KIAA0319L: variants seen among roughly 807,000 people sequenced by gnomAD.
The protein encoded by KIAA0319L is KIAA0319 like.
Under a neutral mutation model 120.1 loss-of-function variants are expected in KIAA0319L, and 55 were observed. The observed-to-expected ratio is 0.46, with a 90% CI of 0.37 to 0.57. The LOEUF (loss-of-function observed/expected upper bound fraction) is 0.57, where lower values mean the gene tolerates loss of function less well. KIAA0319L is among the 20% of genes least tolerant of loss of function. The probability of loss-of-function intolerance (pLI) is 0.00; values close to 1 mark genes in which losing one functional copy is unlikely to be tolerated. For synonymous variants in KIAA0319L, 398 were observed against 471.9 expected (o/e 0.84, Z 2.03); for missense variants, 1,049 against 1,255.3 (o/e 0.84, Z 2.48).
chr1:35,538,988 A>G (rs1311161747), intron 2 of KIAA0319L, among the ~76,000 whole-genome samples: 1 of 152,040 alleles, frequency 6.6e-6, no homozygotes, highest in African/African-American at 2.4e-5. Context: ...TATAATGGCA[A>G]CATTTCTCTG....
intron 5 of KIAA0319L, among the ~76,000 whole-genome samples, chr1:35,472,049 T>A (rs1270970348): frequency 6.6e-6 from 1 of 152,194 alleles, no homozygotes; most frequent in African/African-American, 2.4e-5. Flanking sequence ...CTCAGAGACA[T>A]TTCTTCCAAC....
rs1558421741 is a variant in KIAA0319L at position 35,479,966 on chromosome 1, A to AAAAAAAC, written c.667-761_667-755dup. Among the ~76,000 whole-genome samples the AAAAAAAC allele has an allele frequency of 1.1e-3, 143 of 130,734 alleles. 3 individuals are homozygous for AAAAAAAC. The highest frequency in any genetic ancestry group is 3.9e-3 in the African/African-American group (120 of 30,386). 85.8% of individuals were successfully genotyped at this position (130,734 alleles called of 152,430 possible). A position where few individuals can be genotyped will look rare whatever the true frequency, so the allele number is the denominator to read the frequency against. ...ATGAGCCAAAAAAAAAAAAAAAAAA[A>AAAAAAAC]AAAAAACACAAGCTAAAGTTACTTA... On this transcript the variant is annotated intron_variant, in intron 3 of 20. Transcript: ENST00000325722.
At chr1:35,500,098 CAG>C (rs1644950780) in intron 3 of KIAA0319L, among the ~76,000 whole-genome samples, 1 of 152,182 alleles carries the variant, frequency 6.6e-6, no homozygotes, top group Non-Finnish European at 1.5e-5. Context: ...TGACTGGAAA[CAG>C]GGAGACGATG....
At chr1:35,496,494 T>G (rs1312167432) in intron 3 of KIAA0319L, among the ~76,000 whole-genome samples, 1 of 152,148 alleles carries the variant, frequency 6.6e-6, no homozygotes, top group Non-Finnish European at 1.5e-5. Flanking sequence ...CCAGGAGAAA[T>G]TAAAATATAT....
At chr1:35,546,007 A>T (rs1339399970) in intron 2 of KIAA0319L, among the ~76,000 whole-genome samples, 1 of 152,196 alleles carries the variant, frequency 6.6e-6, no homozygotes, top group Non-Finnish European at 1.5e-5. Flanking sequence ...TCACAGGTTC[A>T]GTTTTGCGAT....
At chr1:35,521,138 C>T (rs1226114200) in intron 2 of KIAA0319L, among the ~76,000 whole-genome samples, 1 of 151,264 alleles carries the variant, frequency 6.6e-6, no homozygotes, top group Non-Finnish European at 1.5e-5. Context: ...GTCAGGAGTT[C>T]GAGACCAGCT....
Position 35,470,974 on chromosome 1 carries a change from GT to G in KIAA0319L, c.1016-15del. ...TGTAGGTTTCTCCTATAGAAGGGCAGTTACAAAAATCATGAAAACACACACC... is the reference window on the plus strand; with the variant it reads ...TGTAGGTTTCTCCTATAGAAGGGCAGTACAAAAATCATGAAAACACACACC... On this transcript the variant is annotated splice_polypyrimidine_tract_variant and intron_variant, in intron 5 of 20. Transcript: ENST00000325722. 1 of 1,505,858 alleles carries G rather than the reference GT, an allele frequency of 6.6e-7. No individual in the cohort carries two copies. The highest frequency in any genetic ancestry group is 9.2e-7 in the Non-Finnish European group (1 of 1,081,358). 93.3% of individuals were successfully genotyped at this position (1,505,858 alleles called of 1,614,324 possible).
At chr1:35,528,191 G>T (rs1333063267) in intron 2 of KIAA0319L, among the ~76,000 whole-genome samples, 4 of 152,192 alleles carry the variant, frequency 2.6e-5, no homozygotes. Context: ...GGGCTCAAGA[G>T]ATCCTCTTGT....
chr1:35,498,223 C>G (rs1412767888), intron 3 of KIAA0319L, among the ~76,000 whole-genome samples: 1 of 151,922 alleles, frequency 6.6e-6, no homozygotes, highest in Non-Finnish European at 1.5e-5. Context: ...ATCCCAGCTA[C>G]TTGGGAGGCT....
At chr1:35,501,625 C>A (rs940677795) in intron 3 of KIAA0319L, among the ~76,000 whole-genome samples, 2 of 152,188 alleles carry the variant, frequency 1.3e-5, no homozygotes, top group Non-Finnish European at 2.9e-5. Flanking sequence ...GCCTGTAATA[C>A]CAGCACTTTG....
At chr1:35,522,047 G>C (rs575203257) in intron 2 of KIAA0319L, among the ~76,000 whole-genome samples, 1 of 152,106 alleles carries the variant, frequency 6.6e-6, no homozygotes, top group Non-Finnish European at 1.5e-5. Context: ...AGGCCACTCT[G>C]TATAGTTCTA....
chr1:35,494,509 G>C (rs1273817168), intron 3 of KIAA0319L, among the ~76,000 whole-genome samples: 2 of 151,912 alleles, frequency 1.3e-5, no homozygotes, highest in Non-Finnish European at 2.9e-5. Flanking sequence ...CAAAGCTAGA[G>C]TTAGGCCGGG....
In KIAA0319L at chr1:35,478,975, G is replaced by T; in HGVS notation, c.904C>A (p.Pro302Thr). The change falls in exon 4 of 21, where the codon CCA becomes ACA. Residue 302 changes from proline to threonine, a missense_variant. Physicochemically the swap from Pro to Thr is conservative, Grantham distance 38. Coordinates refer to ENST00000325722, the MANE Select transcript of KIAA0319L (RefSeq NM_024874.5). ...PQASFQSTSA[P>T]YPVIKELVVS... ...GAGCAAAGGTCCTTACCTGGGTATG[G>T]TGCTGAGGTGCTCTGGAAAGAGGCC... The T allele has an allele frequency of 6.2e-7, 1 of 1,614,022 alleles. No homozygotes were observed. The highest frequency in any genetic ancestry group is 8.5e-7 in the Non-Finnish European group (1 of 1,179,982).
chr1:35,497,985 G>A (rs1038991533), intron 3 of KIAA0319L, among the ~76,000 whole-genome samples: 2 of 152,126 alleles, frequency 1.3e-5, no homozygotes, highest in Admixed American at 6.5e-5. Flanking sequence ...TTTATGTACT[G>A]TATTTTTAAG....
intron 10 of KIAA0319L, among the ~76,000 whole-genome samples, chr1:35,455,054 G>A (rs1642343263): frequency 6.6e-6 from 1 of 152,182 alleles, no homozygotes; most frequent in Non-Finnish European, 1.5e-5. Context: ...GAGAAATATA[G>A]AATCTTGAGG....
chr1:35,464,424 A>G (rs1392797710), intron 7 of KIAA0319L, among the ~76,000 whole-genome samples: 1 of 152,228 alleles, frequency 6.6e-6, no homozygotes, highest in Admixed American at 6.5e-5. Context: ...AGAGATCTGC[A>G]GAACTTTGAA....
intron 7 of KIAA0319L, among the ~76,000 whole-genome samples, chr1:35,463,717 T>C (rs1373047770): frequency 6.6e-6 from 1 of 152,252 alleles, no homozygotes; most frequent in East Asian, 1.9e-4. Context: ...TGAGAATTTA[T>C]GCTGTATATG....
intron 3 of KIAA0319L, among the ~76,000 whole-genome samples, chr1:35,486,754 A>AAAAAAC (rs1438554182): frequency 6.6e-6 from 1 of 151,180 alleles, no homozygotes; most frequent in African/African-American, 2.4e-5. Context: ...AAAAAAAAAA[A>AAAAAAC]ATTATAATTA....
intron 2 of KIAA0319L, among the ~76,000 whole-genome samples, chr1:35,535,981 T>C (rs1646559813): frequency 6.6e-6 from 1 of 152,228 alleles, no homozygotes; most frequent in Non-Finnish European, 1.5e-5. Context: ...TGGGATTTTT[T>C]CTATACTAAC....
Sources: gnomAD v4.1 joint callset for allele counts (sites outside exome capture counted in the v4.1 genomes callset) on GRCh38, gnomAD v4.1.1 for gene constraint, MANE v1.5 for transcripts, NCBI Gene and HGNC (gene_info 2026-07-23, HGNC 2026-07-21) for gene names.